Variants in ARK2C observed in about 807,000 individuals in gnomAD.
ARK2C encodes E3 ubiquitin-protein ligase ARK2C.
chr18:46,440,579 G>A, the ARK2C span, among the ~76,000 whole-genome samples: 8 of 152,260 alleles, frequency 5.3e-5, no homozygotes, highest in African/African-American at 1.7e-4. Context: ...ATTTCACTAT[G>A]TATCTCGAGA....
chr18:46,433,565 CAGGGCGTGGGCAGGGCCAGGACG>C, the ARK2C span: 1 of 1,437,966 alleles, frequency 7.0e-7, no homozygotes, highest in Non-Finnish European at 9.4e-7. Flanking sequence ...GGGGCAGGGC[CAGGGCGTGGGCAGGGCCAGGACG>C]AGGGCGTGGC....
the ARK2C span, among the ~76,000 whole-genome samples, chr18:46,366,512 G>C: frequency 6.6e-6 from 1 of 152,084 alleles, no homozygotes; most frequent in Non-Finnish European, 1.5e-5. Context: ...AATTTGGTGA[G>C]GAGGCATGGA....
At chr18:46,356,486 C>T in the ARK2C span, among the ~76,000 whole-genome samples, 1 of 152,136 alleles carries the variant, frequency 6.6e-6, no homozygotes, top group Non-Finnish European at 1.5e-5. Context: ...GAGCCCTGAG[C>T]CTGAGGGCAG....
the ARK2C span, among the ~76,000 whole-genome samples, chr18:46,384,502 C>T: frequency 9.2e-5 from 14 of 152,318 alleles, 1 homozygote; most frequent in South Asian, 2.9e-3. Flanking sequence ...CTTGCCCTTT[C>T]CTTGAATATT....
At chr18:46,462,104 A>T in the ARK2C span, 1 of 152,220 alleles carries the variant, frequency 6.6e-6, no homozygotes, top group South Asian at 2.1e-4. Context: ...CTCCCTGGGG[A>T]CTGTGGGCAG....
chr18:46,435,701 G>A, the ARK2C span, among the ~76,000 whole-genome samples: 1 of 152,230 alleles, frequency 6.6e-6, no homozygotes, highest in Non-Finnish European at 1.5e-5. Flanking sequence ...CTCAGTGAGG[G>A]ATATGAACCA....
At chr18:46,457,755 A>C in the ARK2C span, 1 of 152,710 alleles carries the variant, frequency 6.5e-6, no homozygotes, top group African/African-American at 2.4e-5. Context: ...CAGATAAGAC[A>C]GCATAGGTGA....
chr18:46,407,175 G>A, the ARK2C span, among the ~76,000 whole-genome samples: 1 of 152,120 alleles, frequency 6.6e-6, no homozygotes. Context: ...GAGGCACTGG[G>A]ATCAGTGGCC....
At chr18:46,388,852 C>T in the ARK2C span, among the ~76,000 whole-genome samples, 2 of 151,886 alleles carry the variant, frequency 1.3e-5, no homozygotes, top group Admixed American at 1.3e-4. Context: ...TTTCACACCC[C>T]ACTTAGGGGC....
the ARK2C span, among the ~76,000 whole-genome samples, chr18:46,394,902 A>G: frequency 0.072 from 10,954 of 152,344 alleles, 538 homozygotes; most frequent in Non-Finnish European, 0.11. Context: ...ATAACTCTGC[A>G]AACCTGGAAC....
At chr18:46,398,885 C>T in the ARK2C span, among the ~76,000 whole-genome samples, 14 of 151,838 alleles carry the variant, frequency 9.2e-5, no homozygotes, top group African/African-American at 3.4e-4. Flanking sequence ...TCGACAACAT[C>T]TAGTCATCGT....
At chr18:46,396,682 G>T in the ARK2C span, among the ~76,000 whole-genome samples, 10 of 152,198 alleles carry the variant, frequency 6.6e-5, no homozygotes, top group Admixed American at 6.5e-4. Flanking sequence ...TCTCGGCCTG[G>T]CTGTCGGGAC....
chr18:46,374,629 TG>T, the ARK2C span, among the ~76,000 whole-genome samples: 152,318 of 152,318 alleles, frequency 1, 76,159 homozygotes, highest in Non-Finnish European at 1. Context: ...GCCTTCTCTT[TG>T]TGCTCTAATT....
the ARK2C span, chr18:46,435,514 C>T: frequency 1.3e-6 from 1 of 789,744 alleles, no homozygotes; most frequent in East Asian, 2.7e-5. Flanking sequence ...GCCTAGTTCT[C>T]AGGCCCCAGC....
chr18:46,401,754 T>A, the ARK2C span, among the ~76,000 whole-genome samples: 2 of 152,184 alleles, frequency 1.3e-5, no homozygotes, highest in East Asian at 3.8e-4. Context: ...CCTGGAGTCA[T>A]GGGACTTTAA....
chr18:46,378,415 A>G, the ARK2C span, among the ~76,000 whole-genome samples: 1 of 152,190 alleles, frequency 6.6e-6, no homozygotes, highest in Non-Finnish European at 1.5e-5. Flanking sequence ...CATGTCCTCC[A>G]GCACATTCAT....
chr18:46,413,178 T>G, the ARK2C span, among the ~76,000 whole-genome samples: 1 of 152,134 alleles, frequency 6.6e-6, no homozygotes, highest in African/African-American at 2.4e-5. Flanking sequence ...CCAGGTCCTC[T>G]TCTCTCTCGA....
the ARK2C span, among the ~76,000 whole-genome samples, chr18:46,358,349 G>A: frequency 2.0e-5 from 3 of 152,194 alleles, no homozygotes; most frequent in Admixed American, 6.5e-5. Context: ...GGAAGTGAAC[G>A]AGTGAAGGAC....
chr18:46,367,620 C>G, the ARK2C span, among the ~76,000 whole-genome samples: 1 of 152,176 alleles, frequency 6.6e-6, no homozygotes, highest in Non-Finnish European at 1.5e-5. Context: ...GGTCTTAAAA[C>G]CCACATTGCC....
Sources: allele counts gnomAD v4.1 joint callset (sites outside exome capture counted in the v4.1 genomes callset), GRCh38; gene constraint gnomAD v4.1.1; transcripts MANE v1.5; gene names NCBI Gene and HGNC (gene_info 2026-07-23, HGNC 2026-07-21).